The following TMEFF1 variants were observed in gnomAD, a reference collection of about 807,000 sequenced individuals.
TMEFF1 encodes the protein tomoregulin-1.
TMEFF1 carries 20 observed loss-of-function variants against 47.5 expected under a neutral mutation model. That is an observed-to-expected ratio of 0.42 (90% confidence interval 0.30 to 0.61). TMEFF1 has a LOEUF of 0.61. Among genes scored for constraint, TMEFF1 ranks in the 20% least tolerant of loss-of-function variants. The probability of loss-of-function intolerance (pLI) is 0.19; values close to 1 mark genes in which losing one functional copy is unlikely to be tolerated. For missense variants in TMEFF1, 411 were observed against 471.1 expected, an observed-to-expected ratio of 0.87 and a Z score of 1.18; for synonymous variants, 162 against 166.3, an observed-to-expected ratio of 0.97 and a Z score of 0.20.
chr9:100,478,273 A>T (rs1225185251), intron 1 of TMEFF1, among the ~76,000 whole-genome samples: 1 of 152,154 alleles, frequency 6.6e-6, no homozygotes, highest in South Asian at 2.1e-4. Context: ...TCCCTAAGCA[A>T]TGGGCCTTTG....
At chr9:100,483,180 T>C (rs1587813190) in intron 1 of TMEFF1, among the ~76,000 whole-genome samples, 1 of 152,128 alleles carries the variant, frequency 6.6e-6, no homozygotes, top group South Asian at 2.1e-4. Flanking sequence ...ATGTGTCATA[T>C]GGAATCTCTG....
At chr9:100,476,195 T>C (rs998335651) in intron 1 of TMEFF1, among the ~76,000 whole-genome samples, 13 of 152,180 alleles carry the variant, frequency 8.5e-5, no homozygotes, top group Admixed American at 2.0e-4. Context: ...TAAGTGATAC[T>C]TGTAGATTCT....
chr9:100,518,459 G>A, intron 5 of TMEFF1: 2 of 985,424 alleles, frequency 2.0e-6, no homozygotes, highest in Non-Finnish European at 2.4e-6. Context: ...ATAGACCATG[G>A]AAGGGCTTAC....
intron 5 of TMEFF1, among the ~76,000 whole-genome samples, chr9:100,537,701 A>G (rs1420165140): frequency 6.6e-6 from 1 of 151,968 alleles, no homozygotes; most frequent in African/African-American, 2.4e-5. Flanking sequence ...AGATACAGAG[A>G]TATTATGACT....
chr9:100,558,637 G>C (rs1280031478), intron 7 of TMEFF1, among the ~76,000 whole-genome samples: 3 of 151,476 alleles, frequency 2.0e-5, no homozygotes, highest in African/African-American at 4.9e-5. Flanking sequence ...AGTTCACTAA[G>C]GAATTCAAGA....
At chr9:100,567,622 G>A (rs966582082) in intron 8 of TMEFF1, among the ~76,000 whole-genome samples, 1 of 152,148 alleles carries the variant, frequency 6.6e-6, no homozygotes, top group Non-Finnish European at 1.5e-5. Flanking sequence ...GAATTCACAC[G>A]TGAGACAGTG....
chr9:100,554,412 C>T (rs1319138807), intron 7 of TMEFF1, among the ~76,000 whole-genome samples: 1 of 151,810 alleles, frequency 6.6e-6, no homozygotes, highest in East Asian at 1.9e-4. Context: ...GAGTGGAATG[C>T]TGGGCTGGAA....
At chr9:100,509,867 T>C (rs950217420) in intron 3 of TMEFF1, among the ~76,000 whole-genome samples, 3 of 152,218 alleles carry the variant, frequency 2.0e-5, no homozygotes, top group African/African-American at 4.8e-5. Flanking sequence ...TGCCACCTGT[T>C]CATCCCATGC....
chr9:100,568,690 A>G (rs953768344), intron 8 of TMEFF1, among the ~76,000 whole-genome samples: 3 of 151,986 alleles, frequency 2.0e-5, no homozygotes, highest in African/African-American at 7.3e-5. Flanking sequence ...TCTCCTCAAG[A>G]GGACACCTCA....
At chr9:100,507,188 T>C (rs1187658454) in intron 2 of TMEFF1, among the ~76,000 whole-genome samples, 1 of 152,226 alleles carries the variant, frequency 6.6e-6, no homozygotes, top group Non-Finnish European at 1.5e-5. Flanking sequence ...GAGGACATTA[T>C]TTCATTCTTT....
At chr9:100,530,962 A>G (rs1031530236) in intron 5 of TMEFF1, among the ~76,000 whole-genome samples, 2 of 152,022 alleles carry the variant, frequency 1.3e-5, no homozygotes, top group Non-Finnish European at 2.9e-5. Context: ...AATCCAGCAT[A>G]TAAACAGAGC....
intron 8 of TMEFF1, among the ~76,000 whole-genome samples, chr9:100,564,645 C>T (rs1839088065): frequency 6.6e-6 from 1 of 152,178 alleles, no homozygotes. Flanking sequence ...TCAGGTCTTA[C>T]AGGAACATTT....
At chr9:100,497,906 C>T (rs1837687171) in intron 1 of TMEFF1, among the ~76,000 whole-genome samples, 1 of 151,564 alleles carries the variant, frequency 6.6e-6, no homozygotes, top group Non-Finnish European at 1.5e-5. Flanking sequence ...CACCACTACA[C>T]TGGGATGGTT....
intron 1 of TMEFF1, among the ~76,000 whole-genome samples, chr9:100,497,320 C>CTTTTGTT (rs1837668513): frequency 1.7e-5 from 1 of 59,526 alleles, no homozygotes; most frequent in Non-Finnish European, 3.1e-5. Flanking sequence ...CCACTCATGT[C>CTTTTGTT]TTTTTTTTTT....
At chr9:100,508,675 GATA>G (rs1837907567) in intron 2 of TMEFF1, among the ~76,000 whole-genome samples, 2 of 150,870 alleles carry the variant, frequency 1.3e-5, no homozygotes, top group African/African-American at 2.4e-5. Flanking sequence ...AATGAATTTT[GATA>G]ATAATAAAAT....
intron 5 of TMEFF1, among the ~76,000 whole-genome samples, chr9:100,520,605 TC>T (rs1458599892): frequency 1.3e-5 from 2 of 152,254 alleles, no homozygotes; most frequent in African/African-American, 4.8e-5. Context: ...ATTACATACT[TC>T]TTTGCCTTCT....
chr9:100,515,929 G>T (rs1294909191), intron 4 of TMEFF1, among the ~76,000 whole-genome samples: 1 of 152,184 alleles, frequency 6.6e-6, no homozygotes, highest in Non-Finnish European at 1.5e-5. Flanking sequence ...GCCAGTTTGA[G>T]ATTATCAGGA....
intron 2 of TMEFF1, among the ~76,000 whole-genome samples, chr9:100,505,410 CAAAAAAAAAAAAAAAAAAA>C (rs60312984): frequency 3.8e-5 from 1 of 26,430 alleles, no homozygotes; most frequent in Non-Finnish European, 6.1e-5. Context: ...GACCCTGTCT[CAAAAAAAAAAAAAAAAAAA>C]AAAAAAAAAA....
At chr9:100,545,535 G>C (rs941313029) in intron 5 of TMEFF1, among the ~76,000 whole-genome samples, 3 of 152,154 alleles carry the variant, frequency 2.0e-5, no homozygotes, top group Non-Finnish European at 4.4e-5. Context: ...ACAATGGGAG[G>C]GGCTGCCATG....
Sources: allele counts gnomAD v4.1 joint callset (sites outside exome capture counted in the v4.1 genomes callset), GRCh38; gene constraint gnomAD v4.1.1; transcripts MANE v1.5; gene names NCBI Gene and HGNC (gene_info 2026-07-23, HGNC 2026-07-21).